The following RPH3AL variants were observed in gnomAD, a reference collection of about 807,000 sequenced individuals.
RPH3AL encodes the protein rab effector Noc2.
RPH3AL carries 38 observed loss-of-function variants against 43.1 expected under a neutral mutation model. That is an observed-to-expected ratio of 0.88 (90% CI 0.68 to 1.15). The LOEUF is 1.15. Among genes scored for constraint, RPH3AL ranks in the 50% most tolerant of loss-of-function variants. The pLI, the probability that RPH3AL is intolerant of heterozygous loss-of-function variation, is 0.00. For missense variants in RPH3AL, 462 were observed against 423.2 expected (o/e 1.09, Z -0.81); for synonymous variants, 189 against 176.3 (o/e 1.07, Z -0.57).
intron 8 of RPH3AL, chr17:216,042 C>T: frequency 7.4e-6 from 1 of 134,488 alleles, no homozygotes; most frequent in Non-Finnish European, 1.1e-5. Context: ...TCTGGCCTGA[C>T]CTCACCCACA....
At chr17:250,276 A>G (rs1597934217) in intron 6 of RPH3AL, among the ~76,000 whole-genome samples, 1 of 106,796 alleles carries the variant, frequency 9.4e-6, no homozygotes, top group African/African-American at 3.7e-5. Context: ...GGGACCTCTC[A>G]GAGCCTTTAC....
intron 7 of RPH3AL, among the ~76,000 whole-genome samples, chr17:240,954 G>A (rs949060589): frequency 3.9e-5 from 6 of 152,010 alleles, no homozygotes; most frequent in Non-Finnish European, 7.4e-5. Context: ...CTACTCAGGA[G>A]GCTGAGGCAG....
chr17:295,370 C>T (rs2043152012), intron 5 of RPH3AL, among the ~76,000 whole-genome samples: 1 of 132,172 alleles, frequency 7.6e-6, no homozygotes, highest in Non-Finnish European at 1.6e-5. Context: ...AGAGGGAATG[C>T]ACATCAGTGT....
At chr17:233,511 G>C (rs1488954126) in intron 7 of RPH3AL, among the ~76,000 whole-genome samples, 3 of 152,290 alleles carry the variant, frequency 2.0e-5, no homozygotes, top group East Asian at 1.9e-4. Flanking sequence ...CAGCCACTAG[G>C]GGCAGGGTCA....
chr17:319,503 T>C lies in RPH3AL; in HGVS notation c.268A>G (p.Asn90Asp), dbSNP rs2044399199. 6.2e-7 allele frequency: 1 copy of C among 1,612,114 alleles called. No individual in the cohort carries two copies. The highest frequency in any genetic ancestry group is 8.5e-7 in the Non-Finnish European group (1 of 1,179,918). The change falls in exon 5 of 10, where the codon AAC (asparagine) becomes GAC (aspartate). Residue 90 changes from asparagine (N) to aspartate (D), a missense_variant. By Grantham distance (23) the Asn-to-Asp change is conservative. Transcript: ENST00000331302. ...CAGAGCAGACACTGGGACAGGCCGT[T>C]CCCCATCACATTCCGCCTCATGGTC... Reference protein sequence around the residue: ...LETMRRNVMGNGLSQCLLCGE... With the variant: ...LETMRRNVMGDGLSQCLLCGE...
chr17:323,173 A>G lies in RPH3AL; in HGVS notation c.78-1758T>C, dbSNP rs60428249. 0.62 allele frequency among the ~76,000 whole-genome samples: 93,319 copies of G among 151,674 alleles called. 29,510 individuals are homozygous for G. The highest frequency in any genetic ancestry group is 0.81 in the East Asian group (4,176 of 5,162). ...TGGAAGGAGGGAGGCGGGTTCAGGC[A>G]GAGGAGATCACACACGAAAGGCAGG... On this transcript the variant is annotated intron_variant, in intron 3 of 9. Coordinates refer to ENST00000331302, the MANE Select transcript of RPH3AL (RefSeq NM_006987.4). This position sits in a 1 kb window ranked among gnomAD's most constrained non-coding sequence, Gnocchi z 4.4.
At position 219,639 on chromosome 17, in the gene RPH3AL, T is replaced by A. The variant is rs1262066450; in HGVS notation, c.711A>T (p.Lys237Asn). The change falls in exon 8 of 10, where the codon AAA becomes AAT. Residue 237 changes from lysine to asparagine, a missense_variant. By Grantham distance (94) the Lys-to-Asn change is moderately conservative (BLOSUM62 0). Coordinates refer to ENST00000331302, the MANE Select transcript of RPH3AL (RefSeq NM_006987.4). ...CCACCTTACCTGACTCCTTCCAGGGTTTGTCGCCTTTCCGGTCCCTGACCC... is the reference window on the plus strand; with the variant it reads ...CCACCTTACCTGACTCCTTCCAGGGATTGTCGCCTTTCCGGTCCCTGACCC... ...STGVRDRKGD[K>N]PWKESGGSVE... 2 of 1,607,102 alleles carry A rather than the reference T, an allele frequency of 1.2e-6. No homozygotes were observed. The highest frequency in any genetic ancestry group is 1.7e-6 in the Non-Finnish European group (2 of 1,176,052).
chr17:218,056 C>T (rs2040852688), intron 8 of RPH3AL, among the ~76,000 whole-genome samples: 2 of 127,050 alleles, frequency 1.6e-5, no homozygotes, highest in Admixed American at 1.6e-4. Context: ...ATCAGGACCC[C>T]CAAGGCATTT....
At chr17:228,443 C>T (rs2041154350) in intron 7 of RPH3AL, among the ~76,000 whole-genome samples, 1 of 152,066 alleles carries the variant, frequency 6.6e-6, no homozygotes, top group Non-Finnish European at 1.5e-5. Context: ...GTAACGCGTT[C>T]GGCATCTGGC....
At chr17:340,766 T>C (rs12937468) in intron 1 of RPH3AL, among the ~76,000 whole-genome samples, 6 of 6,308 alleles carry the variant, frequency 9.5e-4, no homozygotes, top group Admixed American at 2.1e-3. Context: ...ACTCACTGCC[T>C]CCCACCCAGG....
At chr17:216,836 T>G (rs1397497764) in intron 8 of RPH3AL, among the ~76,000 whole-genome samples, 1 of 152,116 alleles carries the variant, frequency 6.6e-6, no homozygotes, top group Non-Finnish European at 1.5e-5. Context: ...AGTATCATGA[T>G]CACCTAGTAA....
rs942121544 is a variant in RPH3AL, at chr17:328,733, G to A, written c.-36-1154C>T. ...TTTACAATGGATTATGATTTACAATGGATTATTATTTACAATGGATTATTA... is the reference window on the plus strand; with the variant it reads ...TTTACAATGGATTATGATTTACAATAGATTATTATTTACAATGGATTATTA... On this transcript the variant is annotated intron_variant, in intron 2 of 9. Transcript: ENST00000331302. The surrounding 1 kb of genome is among the most constrained non-coding windows in gnomAD (Gnocchi z 4.2). 4.6e-5 allele frequency among the ~76,000 whole-genome samples: 7 copies of A among 152,076 alleles called. No homozygotes were observed. Among genetic ancestry groups the A allele is most frequent in the African/African-American group, 1.7e-4 (7 of 41,386 alleles).
intron 7 of RPH3AL, among the ~76,000 whole-genome samples, chr17:232,591 G>A (rs61214440): frequency 0.043 from 6,616 of 152,194 alleles, 342 homozygotes; most frequent in African/African-American, 0.12. Flanking sequence ...CCCTCCCCTC[G>A]CCCTGTCTCA....
intron 8 of RPH3AL, among the ~76,000 whole-genome samples, chr17:218,659 T>C (rs962634813): frequency 3.9e-5 from 6 of 152,200 alleles, no homozygotes. Flanking sequence ...GGAAAATGTC[T>C]TTCCTTTCCT....
intron 3 of RPH3AL, among the ~76,000 whole-genome samples, chr17:326,074 A>G (rs73971742): frequency 0.04 from 6,115 of 152,324 alleles, 412 homozygotes; most frequent in African/African-American, 0.14. Context: ...TCGAGAGCAC[A>G]GTGGCGGAGC....
intron 7 of RPH3AL, among the ~76,000 whole-genome samples, chr17:244,322 A>G (rs987485809): frequency 5.3e-5 from 8 of 151,094 alleles, no homozygotes; most frequent in Non-Finnish European, 8.9e-5. Flanking sequence ...ACAGGGCATG[A>G]GAAAGAAAAT....
rs370765867 is a variant in RPH3AL, at chr17:321,547, G to A, written c.78-132C>T. On this transcript the variant is annotated intron_variant, in intron 3 of 9. Coordinates refer to ENST00000331302, the MANE Select transcript of RPH3AL (RefSeq NM_006987.4). Reference sequence around the variant, plus strand: ...GGTGCCGCGTGCCGGGACGACGAGCGCGGGCAGCAGAGATGGCCCAGGTGG... The same window carrying A: ...GGTGCCGCGTGCCGGGACGACGAGCACGGGCAGCAGAGATGGCCCAGGTGG... 2.8e-5 allele frequency: 30 copies of A among 1,068,820 alleles called. No homozygotes were observed. The African/African-American group carries it at 3.4e-4, about 12-fold the overall frequency. The allele number at this position is 1,068,820 out of a possible 1,614,324, so 66.2% of individuals were successfully genotyped here.
rs1197939346 is a variant in RPH3AL, at chr17:347,181, C to A, written c.-213+5531G>T. ...GCTGAGGCAGGAGAATGGCGTGAACCCGGGAGGCAGAGGTTGCAGTGAGCC... is the reference window on the plus strand; with the variant it reads ...GCTGAGGCAGGAGAATGGCGTGAACACGGGAGGCAGAGGTTGCAGTGAGCC... On this transcript the variant is annotated intron_variant, in intron 1 of 9. Coordinates refer to ENST00000331302, the MANE Select transcript of RPH3AL (RefSeq NM_006987.4). Among the ~76,000 whole-genome samples the A allele has an allele frequency of 1.5e-5, 2 of 137,196 alleles. 1 individual carries two copies. The highest frequency in any genetic ancestry group is 3.3e-5 in the Non-Finnish European group (2 of 60,306). 90.0% of individuals were successfully genotyped at this position (137,196 alleles called of 152,430 possible). A position where few individuals can be genotyped will look rare whatever the true frequency, so the allele number is the denominator to read the frequency against.
chr17:295,495 G>A (rs111655265), intron 5 of RPH3AL, among the ~76,000 whole-genome samples: 163 of 11,934 alleles, frequency 0.014, 11 homozygotes, highest in Non-Finnish European at 0.018. Context: ...CAGTGTGGGA[G>A]GGACACAGAT....
Sources: allele counts gnomAD v4.1 joint callset (sites outside exome capture counted in the v4.1 genomes callset), GRCh38; gene constraint gnomAD v4.1.1; non-coding constraint Gnocchi (gnomAD v3.1); transcripts MANE v1.5; gene names NCBI Gene and HGNC (gene_info 2026-07-23, HGNC 2026-07-21).